PRDM15: variants seen among roughly 807,000 people sequenced by gnomAD.
The protein encoded by PRDM15 is PR/SET domain 15.
PRDM15 carries 64 observed loss-of-function variants against 128.6 expected under a neutral mutation model. That is an observed-to-expected ratio of 0.50 (90% CI 0.41 to 0.61). The LOEUF is 0.61. Ranked by LOEUF, PRDM15 falls within the 20% of genes least tolerant of loss-of-function variation. PRDM15 has a pLI of 0.00. For missense variants in PRDM15, 1,242 were observed against 1,569.1 expected, an observed-to-expected ratio of 0.79 and a Z score of 3.52; for synonymous variants, 615 against 621.8, an observed-to-expected ratio of 0.99 and a Z score of 0.16.
At chr21:41,835,358 TA>T in intron 11 of PRDM15, 78 bp downstream of exon 11, 1 of 1,184,946 alleles carries the variant, frequency 8.4e-7, no homozygotes, top group Non-Finnish European at 1.2e-6. Context: ...TACTTTGGCC[TA>T]AAGTTCCACG....
chr21:41,858,946 C>G (rs2063724341), intron 3 of PRDM15: 1 of 1,087,986 alleles, frequency 9.2e-7, no homozygotes, highest in South Asian at 1.6e-5. Context: ...TACCATCACC[C>G]ACAACACCAC....
chr21:41,869,563 C>T (rs1206179250), intron 1 of PRDM15, among the ~76,000 whole-genome samples: 1 of 152,086 alleles, frequency 6.6e-6, no homozygotes, highest in East Asian at 1.9e-4. Context: ...TCTCCTGCCT[C>T]AGCCTCTGGA....
intron 6 of PRDM15, among the ~76,000 whole-genome samples, chr21:41,845,716 G>A (rs1040448449): frequency 1.3e-5 from 2 of 152,162 alleles, no homozygotes; most frequent in African/African-American, 2.4e-5. Context: ...AGGGGAGCCC[G>A]AGTACCACGT....
chr21:41,864,585 C>T (rs1315504934), intron 1 of PRDM15, among the ~76,000 whole-genome samples: 1 of 151,960 alleles, frequency 6.6e-6, no homozygotes, highest in Non-Finnish European at 1.5e-5. Flanking sequence ...TGACCTCTCT[C>T]GCCTCCCTCT....
chr21:41,874,175 G>T (rs118003713), intron 1 of PRDM15, among the ~76,000 whole-genome samples: 2 of 151,890 alleles, frequency 1.3e-5, no homozygotes, highest in Admixed American at 1.3e-4. Flanking sequence ...AAAAAAGGGC[G>T]GGAGGACTGA....
At chr21:41,850,588 G>A (rs912148280) in intron 5 of PRDM15, among the ~76,000 whole-genome samples, 4 of 152,016 alleles carry the variant, frequency 2.6e-5, no homozygotes, top group Non-Finnish European at 5.9e-5. Context: ...AAAAAAATTA[G>A]CTGGGTGTGG....
chr21:41,879,125 C>G lies in PRDM15; in HGVS notation c.-10+145G>C. ...AAGAACAGTCGGCATGGCGGCTGGA[C>G]CGGGGCGGCGCGCGGCTGCCGGGCG... is the stretch of plus-strand genomic sequence containing the variant. On this transcript the variant is annotated intron_variant, in intron 1 of 23. Transcript: ENST00000398548. The surrounding 1 kb of genome is among the most constrained non-coding windows in gnomAD (Gnocchi z 5.1). 1 of 1,036,350 alleles carries G rather than the reference C, an allele frequency of 9.6e-7. No individual in the cohort carries two copies. Among genetic ancestry groups the G allele is most frequent in the African/African-American group, 1.8e-5 (1 of 57,060 alleles). The allele number at this position is 1,036,350 out of a possible 1,614,324, so 64.2% of individuals were successfully genotyped here.
At position 41,810,436 on chromosome 21, in the gene PRDM15, T is replaced by G; in HGVS notation, c.2477-107A>C. 1 of 1,298,014 alleles carries G rather than the reference T, an allele frequency of 7.7e-7. No individual in the cohort carries two copies. The highest frequency in any genetic ancestry group is 1.1e-6 in the Non-Finnish European group (1 of 944,008). 80.4% of individuals were successfully genotyped at this position (1,298,014 alleles called of 1,614,324 possible). A position where few individuals can be genotyped will look rare whatever the true frequency, so the allele number is the denominator to read the frequency against. ...GGCCTGCTGGACGAGGCAAGAAGCC[T>G]GTCACGCCCCGCCCATCCTGAGAGG... On this transcript the variant is annotated intron_variant, in intron 20 of 23. Transcript: ENST00000398548. The surrounding 1 kb of genome is among the most constrained non-coding windows in gnomAD (Gnocchi z 6.4).
At position 41,861,416 on chromosome 21, in the gene PRDM15, T is replaced by C. The variant is rs2063804311; in HGVS notation, c.-9-1044A>G. 5 of 665,860 alleles carry C rather than the reference T, an allele frequency of 7.5e-6. No homozygotes were observed. In the South Asian group the frequency reaches 9.7e-5, roughly 13 times the overall value. The allele number at this position is 665,860 out of a possible 1,614,324, so 41.2% of individuals were successfully genotyped here. A position where few individuals can be genotyped will look rare whatever the true frequency, so the allele number is the denominator to read the frequency against. On this transcript the variant is annotated intron_variant, in intron 1 of 23. Coordinates refer to ENST00000398548, the MANE Select transcript of PRDM15 (RefSeq NM_001040424.3). ...GGGTGGATCTAGACATTGTTCATTC[T>C]GGGGCCTCACATTCCTGGGCTGTAA...
In PRDM15 at chr21:41,832,883, C is replaced by T. The variant is rs970083267; in HGVS notation, c.1366+2554G>A. 2.6e-5 allele frequency among the ~76,000 whole-genome samples: 4 copies of T among 152,180 alleles called. No homozygotes were observed. The highest frequency in any genetic ancestry group is 6.5e-5 in the Admixed American group (1 of 15,284). ...ACTTCAGGCCACTCCCCAGCTGTCC[C>T]GGACAACTCTGCCAAGCCGAGGGTG... On this transcript the variant is annotated intron_variant, in intron 11 of 23. Coordinates refer to ENST00000398548, the MANE Select transcript of PRDM15 (RefSeq NM_001040424.3). The surrounding 1 kb of genome is among the most constrained non-coding windows in gnomAD (Gnocchi z 4.2).
intron 1 of PRDM15, among the ~76,000 whole-genome samples, chr21:41,875,877 T>A (rs2064395498): frequency 6.6e-6 from 1 of 152,154 alleles, no homozygotes; most frequent in Non-Finnish European, 1.5e-5. Flanking sequence ...TTCTGAGAAA[T>A]GCATTGCTAT....
In PRDM15 at chr21:41,802,786, A is replaced by G; in HGVS notation, c.2869T>C (p.Tyr957His). The change falls in exon 23 of 24, where the codon TAC becomes CAC. Residue 957 changes from tyrosine to histidine, a missense_variant. Tyr to His is a moderately conservative substitution (Grantham distance 83). Coordinates refer to ENST00000398548, the MANE Select transcript of PRDM15 (RefSeq NM_001040424.3). ...GTGAACTCCGTCTCTTTCTCTGAGT[A>G]TTCGCTGAAGGTGGCGTCCTCGGGC... ...PVPEDATFSE[Y>H]SEKETEFTGS... 2 of 1,614,200 alleles carry G rather than the reference A, an allele frequency of 1.2e-6. No individual in the cohort carries two copies. Among genetic ancestry groups the G allele is most frequent in the Non-Finnish European group, 1.7e-6 (2 of 1,180,042 alleles).
intron 19 of PRDM15, among the ~76,000 whole-genome samples, chr21:41,815,258 C>T (rs1468788899): frequency 6.6e-6 from 1 of 152,238 alleles, no homozygotes; most frequent in Non-Finnish European, 1.5e-5. Context: ...ATCACCCGAG[C>T]GGACACCTTG....
At chr21:41,827,157 T>C (rs1297007639) in intron 12 of PRDM15, among the ~76,000 whole-genome samples, 1 of 152,128 alleles carries the variant, frequency 6.6e-6, no homozygotes, top group Non-Finnish European at 1.5e-5. Context: ...CAGGTTTGAT[T>C]CGAGAGGCCC....
At position 41,801,206 on chromosome 21, in the gene PRDM15, T is replaced by A; in HGVS notation, c.*34A>T. The stretch of plus-strand genomic sequence containing the variant: ...TCTAAACAAATCCCAAACATCCCTC[T>A]GCAGTTCTTGCCCCGAGTCTCCCGG... On this transcript the variant is annotated 3_prime_UTR_variant, in exon 24 of 24. Transcript: ENST00000398548. 6.6e-7 allele frequency: 1 copy of A among 1,504,200 alleles called. No homozygotes were observed. Among genetic ancestry groups the A allele is most frequent in the Non-Finnish European group, 8.8e-7 (1 of 1,132,444 alleles). 93.2% of individuals were successfully genotyped at this position (1,504,200 alleles called of 1,614,324 possible).
intron 13 of PRDM15, among the ~76,000 whole-genome samples, chr21:41,824,136 TC>T (rs542524555): frequency 2.8e-3 from 417 of 148,496 alleles, no homozygotes; most frequent in Middle Eastern, 0.01. Context: ...GGCCACGTAA[TC>T]CGGGGTGTGA....
chr21:41,816,734 G>C (rs991957652), intron 18 of PRDM15, among the ~76,000 whole-genome samples: 1 of 152,162 alleles, frequency 6.6e-6, no homozygotes, highest in African/African-American at 2.4e-5. Flanking sequence ...AAAACTGCGC[G>C]GCTGGGCCAG....
rs765713386 is a variant in PRDM15 at position 41,821,949 on chromosome 21, T to C, written c.1850A>G (p.Glu617Gly). ...SSEENDDNSDESADSEPHKYS... is the reference protein window; with the variant it reads ...SSEENDDNSDGSADSEPHKYS... ...CTTGTGAGGCTCCGAGTCTGCGCTCTCGTCAGAATTGTCATCGTTTTCTTC... is the reference window on the plus strand; with the variant it reads ...CTTGTGAGGCTCCGAGTCTGCGCTCCCGTCAGAATTGTCATCGTTTTCTTC... Residue 617 changes from glutamate to glycine, a missense_variant, in exon 15 of 24, where the codon GAG (glutamate) becomes GGG (glycine). Coordinates refer to ENST00000398548, the MANE Select transcript of PRDM15 (RefSeq NM_001040424.3). The surrounding 1 kb of genome is among the most constrained non-coding windows in gnomAD (Gnocchi z 5.4). 2 of 1,614,232 alleles carry C rather than the reference T, an allele frequency of 1.2e-6. No homozygotes were observed. The highest frequency in any genetic ancestry group is 4.5e-5 in the East Asian group (2 of 44,876).
rs1601703638 is a variant in PRDM15, at chr21:41,798,363, A to G, written c.*2877T>C. On this transcript the variant is annotated 3_prime_UTR_variant, in exon 24 of 24. Coordinates refer to ENST00000398548, the MANE Select transcript of PRDM15 (RefSeq NM_001040424.3). ...CCCAAGACGCCGCCTCTAGTGGGGA[A>G]GCCATGAGCCTTCCGCCTTTGGATG... is the stretch of plus-strand genomic sequence containing the variant. 6.6e-6 allele frequency: 1 copy of G among 152,276 alleles called. No individual in the cohort carries two copies. Among genetic ancestry groups the G allele is most frequent in the East Asian group, 1.9e-4 (1 of 5,204 alleles). 9.4% of individuals were successfully genotyped at this position (152,276 alleles called of 1,614,324 possible).
Sources: allele counts gnomAD v4.1 joint callset (sites outside exome capture counted in the v4.1 genomes callset), GRCh38; gene constraint gnomAD v4.1.1; non-coding constraint Gnocchi (gnomAD v3.1); transcripts MANE v1.5; gene names NCBI Gene and HGNC (gene_info 2026-07-23, HGNC 2026-07-21).